The following FAT4 variants were observed in gnomAD, a reference collection of about 807,000 sequenced individuals.
FAT4 encodes the protein FAT atypical cadherin 4, also known as protocadherin Fat 4.
Under a neutral mutation model 303.9 loss-of-function variants are expected in FAT4, and 84 were observed. That is an observed-to-expected ratio of 0.28 (90% confidence interval 0.23 to 0.33). The LOEUF is 0.33. Among genes scored for constraint, FAT4 ranks in the 10% least tolerant of loss-of-function variants. The pLI, the probability that FAT4 is intolerant of heterozygous loss-of-function variation, is 1.00. For missense variants in FAT4, 6,005 were observed against 6,146.8 expected, an observed-to-expected ratio of 0.98 and a Z score of 0.77; for synonymous variants, 2,307 against 2,298.8, an observed-to-expected ratio of 1.00 and a Z score of -0.10.
intron 7 of FAT4, among the ~76,000 whole-genome samples, chr4:125,426,874 A>G (rs1319895637): frequency 1.3e-5 from 2 of 152,064 alleles, no homozygotes; most frequent in Non-Finnish European, 2.9e-5. Context: ...TAAAGATTAT[A>G]TAAAATCAAA....
Position 125,463,677 on chromosome 4 carries a change from A to G in FAT4, c.11905+10A>G. On this transcript the variant is annotated intron_variant, in intron 11 of 17. Transcript: ENST00000394329. ...TGTCATTGTCCATTTGGTGAGTAAA[A>G]CTTATTTGTTGATATAAAATATAAG... 1 of 1,501,286 alleles carries G rather than the reference A, an allele frequency of 6.7e-7. No individual in the cohort carries two copies. Among genetic ancestry groups the G allele is most frequent in the South Asian group, 1.3e-5 (1 of 76,474 alleles). 93.0% of individuals were successfully genotyped at this position (1,501,286 alleles called of 1,614,324 possible).
chr4:125,479,104 A>T (rs28434313), intron 14 of FAT4, among the ~76,000 whole-genome samples: 34,767 of 152,048 alleles, frequency 0.23, 4,130 homozygotes, highest in Admixed American at 0.25. Flanking sequence ...AGCTGAAAAG[A>T]TATTCTACCA....
chr4:125,328,069 A>T (rs1578525846), intron 2 of FAT4, among the ~76,000 whole-genome samples: 2 of 152,216 alleles, frequency 1.3e-5, no homozygotes, highest in African/African-American at 4.8e-5. Flanking sequence ...GAAATAGGAA[A>T]AGAATAACTG....
intron 2 of FAT4, chr4:125,393,901 T>G: frequency 1.3e-6 from 1 of 778,358 alleles, no homozygotes; most frequent in Non-Finnish European, 2.4e-6. Context: ...CTCAGGTGAC[T>G]CAGTCAAGAA....
rs11411219 is a variant in FAT4 at position 125,407,478 on chromosome 4, CA to C, written c.5569+347del. On this transcript the variant is annotated intron_variant, in intron 4 of 17. Coordinates refer to ENST00000394329, the MANE Select transcript of FAT4 (RefSeq NM_001291303.3). ...TGGGGGCTATGTATAAAAAGAACAG[CA>C]AAAAAAAAATACATGAAAAACTGTG... Among the ~76,000 whole-genome samples, 11 of 149,546 alleles carry C rather than the reference CA, an allele frequency of 7.4e-5. No homozygotes were observed. In the East Asian group the frequency reaches 7.9e-4, roughly 11 times the overall value.
chr4:125,360,016 A>T (rs1238615141), intron 2 of FAT4, among the ~76,000 whole-genome samples: 1 of 152,044 alleles, frequency 6.6e-6, no homozygotes. Context: ...GGATGAAACA[A>T]CCTAAATTCA....
At chr4:125,387,917 A>G (rs191651405) in intron 2 of FAT4, among the ~76,000 whole-genome samples, 3 of 152,308 alleles carry the variant, frequency 2.0e-5, no homozygotes, top group Admixed American at 2.0e-4. Flanking sequence ...AAGAGCCACA[A>G]AAATCTCAAA....
At chr4:125,462,586 A>C (rs1726518671) in intron 10 of FAT4, among the ~76,000 whole-genome samples, 1 of 151,986 alleles carries the variant, frequency 6.6e-6, no homozygotes, top group Non-Finnish European at 1.5e-5. Flanking sequence ...AAAATAAGTA[A>C]CAACAACAAA....
intron 16 of FAT4, among the ~76,000 whole-genome samples, chr4:125,486,607 G>T (rs997948980): frequency 2.0e-5 from 3 of 152,098 alleles, no homozygotes; most frequent in Admixed American, 2.0e-4. Context: ...TTCTAAAATG[G>T]TCTACTCAGG....
rs769567217 is a variant in FAT4 at position 125,477,178 on chromosome 4, G to A, written c.12323G>A (p.Arg4108Lys). The A allele has an allele frequency of 2.9e-6, 4 of 1,390,474 alleles. No homozygotes were observed. The highest frequency in any genetic ancestry group is 2.7e-5 in the East Asian group (1 of 37,046). 86.1% of individuals were successfully genotyped at this position (1,390,474 alleles called of 1,614,324 possible). A position where few individuals can be genotyped will look rare whatever the true frequency, so the allele number is the denominator to read the frequency against. ...DDWTLDVQPN[R>K]VTVGGIRSLE... ...AGGACTCTTGATGTTCAGCCAAATA[G>A]AGTTACAGTTGGAGGTATCAGATCT... is the stretch of plus-strand genomic sequence containing the variant. Residue 4108 changes from arginine to lysine, a missense_variant, in exon 14 of 18, where the codon AGA becomes AAA. Transcript: ENST00000394329.
rs765397520 is a variant in FAT4 at position 125,476,146 on chromosome 4, A to G, written c.12214-25A>G. ...ATAGGGACGGTAGAACTCAAAGTTG[A>G]ATGTTTCTTTCTCTTGCTTCGTAGG... On this transcript the variant is annotated intron_variant, in intron 12 of 17. Transcript: ENST00000394329. The G allele has an allele frequency of 4.7e-6, 7 of 1,488,766 alleles. No individual in the cohort carries two copies. In the South Asian group the frequency reaches 8.2e-5, roughly 18 times the overall value. 92.2% of individuals were successfully genotyped at this position (1,488,766 alleles called of 1,614,324 possible). A position where few individuals can be genotyped will look rare whatever the true frequency, so the allele number is the denominator to read the frequency against.
intron 8 of FAT4, among the ~76,000 whole-genome samples, chr4:125,434,662 G>A (rs1435516489): frequency 2.0e-5 from 3 of 151,934 alleles, no homozygotes; most frequent in African/African-American, 7.3e-5. Context: ...CATATCTCAT[G>A]GTTTTGTGGT....
intron 2 of FAT4, among the ~76,000 whole-genome samples, chr4:125,373,672 A>G (rs980829431): frequency 6.6e-6 from 1 of 152,192 alleles, no homozygotes; most frequent in African/African-American, 2.4e-5. Flanking sequence ...TCTCATTTAA[A>G]TTTCATAAAA....
At chr4:125,370,360 G>A (rs1733059581) in intron 2 of FAT4, among the ~76,000 whole-genome samples, 1 of 152,180 alleles carries the variant, frequency 6.6e-6, no homozygotes, top group African/African-American at 2.4e-5. Context: ...GTGAGATTGT[G>A]ATACATATGA....
chr4:125,402,796 A>G (rs1290002507), intron 3 of FAT4, among the ~76,000 whole-genome samples: 2 of 152,002 alleles, frequency 1.3e-5, no homozygotes, highest in Admixed American at 1.3e-4. Context: ...CCTTCTTCCT[A>G]ATATTCTCAT....
chr4:125,487,245 C>A, intron 16 of FAT4, 100 bp from the exon 17 acceptor site: 1 of 996,112 alleles, frequency 1.0e-6, no homozygotes, highest in Non-Finnish European at 1.4e-6. Flanking sequence ...GCTATTCTAT[C>A]TGCTGTGGAC....
chr4:125,374,756 C>G (rs1006758197), intron 2 of FAT4, among the ~76,000 whole-genome samples: 1 of 152,084 alleles, frequency 6.6e-6, no homozygotes, highest in African/African-American at 2.4e-5. Context: ...TCAATGAATA[C>G]AAGGTACAGC....
At chr4:125,395,652 A>G (rs1734142551) in intron 2 of FAT4, among the ~76,000 whole-genome samples, 1 of 152,202 alleles carries the variant, frequency 6.6e-6, no homozygotes, top group African/African-American at 2.4e-5. Context: ...GATGACACTA[A>G]TTTTGGGAAA....
At chr4:125,408,905 G>A in intron 5 of FAT4, 111 bp downstream of exon 5, 1 of 536,136 alleles carries the variant, frequency 1.9e-6, no homozygotes, top group Non-Finnish European at 3.1e-6. Flanking sequence ...TGTGAATATA[G>A]GTTGGAAGTT....
Sources: gnomAD v4.1 joint callset for allele counts (sites outside exome capture counted in the v4.1 genomes callset) on GRCh38, gnomAD v4.1.1 for gene constraint, MANE v1.5 for transcripts, NCBI Gene and HGNC (gene_info 2026-07-23, HGNC 2026-07-21) for gene names.